The following LSM3 variants were observed in gnomAD, a reference collection of about 807,000 sequenced individuals.
The protein encoded by LSM3 is U6 snRNA-associated Sm-like protein LSm3.
A neutral mutation model predicts 15.4 loss-of-function variants in LSM3; 14 were observed. That is an observed-to-expected ratio of 0.91 (90% confidence interval 0.60 to 1.42). The LOEUF (loss-of-function observed/expected upper bound fraction) is 1.42, where lower values mean the gene tolerates loss of function less well. Ranked by LOEUF, LSM3 falls within the 40% of genes most tolerant of loss-of-function variation. The pLI is 0.00. For synonymous variants in LSM3, 46 were observed against 45.1 expected, an observed-to-expected ratio of 1.02 and a Z score of -0.08; for missense variants, 88 against 127.9, an observed-to-expected ratio of 0.69 and a Z score of 1.50.
intron 3 of LSM3, among the ~76,000 whole-genome samples, chr3:14,197,227 T>C (rs895443776): frequency 4.6e-5 from 7 of 152,254 alleles, no homozygotes; most frequent in Non-Finnish European, 1.0e-4. Context: ...AGTTCTTGCC[T>C]GAGCTTTTCT....
rs199989958 is a variant in LSM3, at chr3:14,187,745, GT to G, written c.228+3720del. 6.7e-3 allele frequency among the ~76,000 whole-genome samples: 1,018 copies of G among 152,246 alleles called. 6 individuals carry two copies. The highest frequency in any genetic ancestry group is 0.022 in the African/African-American group (931 of 41,550). ...GACCCATAAACCATCAGGTTGTTGGGTTTTTTTCCCCCTATAACTTACATAA... is the reference window on the plus strand; with the variant it reads ...GACCCATAAACCATCAGGTTGTTGGGTTTTTTCCCCCTATAACTTACATAA... On this transcript the variant is annotated intron_variant, in intron 3 of 3. Coordinates refer to ENST00000306024, the MANE Select transcript of LSM3 (RefSeq NM_014463.3).
chr3:14,189,033 AT>A (rs1295990419), intron 3 of LSM3, among the ~76,000 whole-genome samples: 2 of 152,032 alleles, frequency 1.3e-5, no homozygotes, highest in Non-Finnish European at 2.9e-5. Context: ...ACTCTCACTT[AT>A]GAGTGAGAAC....
Position 14,200,022 on chromosome 3 carries a change from ACTTT to A in LSM3, c.*1910_*1913del, listed in dbSNP as rs1368129044. 1 of 152,158 alleles carries A rather than the reference ACTTT, an allele frequency of 6.6e-6. No individual in the cohort carries two copies. The highest frequency in any genetic ancestry group is 1.5e-5 in the Non-Finnish European group (1 of 68,046). The allele number at this position is 152,158 out of a possible 1,614,324, so 9.4% of individuals were successfully genotyped here. On this transcript the variant is annotated 3_prime_UTR_variant, in exon 4 of 4. Coordinates refer to ENST00000306024, the MANE Select transcript of LSM3 (RefSeq NM_014463.3). Reference sequence around the variant, plus strand: ...TGATAGTCACACTGAATTCCTGGACACTTTCTTCTCTTCATTCTTAGTTATCTTT... The same window carrying A: ...TGATAGTCACACTGAATTCCTGGACACTTCTCTTCATTCTTAGTTATCTTT...
At chr3:14,180,859 A>T (rs867688630) in intron 1 of LSM3, among the ~76,000 whole-genome samples, 27 of 82,046 alleles carry the variant, frequency 3.3e-4, no homozygotes, top group African/African-American at 8.5e-4. Flanking sequence ...TTTTTTTTTA[A>T]AAAAAAAAAA....
chr3:14,183,779 T>C lies in LSM3; in HGVS notation c.133-158T>C, dbSNP rs1257144826. Among the ~76,000 whole-genome samples the C allele has an allele frequency of 3.9e-5, 6 of 152,262 alleles. No individual in the cohort carries two copies. In the East Asian group the frequency reaches 1.2e-3, roughly 29 times the overall value. On this transcript the variant is annotated intron_variant, in intron 2 of 3. Transcript: ENST00000306024. ...GGAAGTGACTTGTGAAGAAACAGTA[T>C]ATTAGTACTGTAGGATTACTTTTTA...
intron 1 of LSM3, among the ~76,000 whole-genome samples, chr3:14,180,872 CAA>C (rs1336719502): frequency 2.4e-5 from 2 of 81,856 alleles, no homozygotes; most frequent in Admixed American, 1.7e-4. Context: ...AAAAAAAAGA[CAA>C]GAGTCTCACT....
chr3:14,183,891 G>A (rs1390349651), intron 2 of LSM3, 46 bp from the exon 3 acceptor site: 1 of 1,419,626 alleles, frequency 7.0e-7, no homozygotes, highest in Non-Finnish European at 9.6e-7. Flanking sequence ...TATCATTTTT[G>A]TAATTTGATT....
intron 2 of LSM3, among the ~76,000 whole-genome samples, chr3:14,182,090 C>T (rs964712706): frequency 3.9e-5 from 6 of 152,164 alleles, no homozygotes; most frequent in African/African-American, 1.4e-4. Context: ...TGCAGTGGCT[C>T]ATTCCTGTAA....
chr3:14,180,838 TTTTTTTTTTTTTTTTTTTTAAA>T (rs1697029493), intron 1 of LSM3, among the ~76,000 whole-genome samples: 1 of 124,558 alleles, frequency 8.0e-6, no homozygotes, highest in African/African-American at 3.4e-5. Context: ...TTTTTTTTTT[TTTTTTTTTTTTTTTTTTTTAAA>T]AAAAAAAAAG....
chr3:14,192,637 T>C (rs139727359), intron 3 of LSM3, among the ~76,000 whole-genome samples: 10,035 of 152,330 alleles, frequency 0.066, 493 homozygotes, highest in Non-Finnish European at 0.099. Flanking sequence ...TTGGTAAATA[T>C]TCCTCCATCC....
chr3:14,190,558 T>A (rs1258715679), intron 3 of LSM3, among the ~76,000 whole-genome samples: 1 of 152,232 alleles, frequency 6.6e-6, no homozygotes, highest in African/African-American at 2.4e-5. Flanking sequence ...TAGTAGCAAT[T>A]GTGAATGGGA....
intron 3 of LSM3, among the ~76,000 whole-genome samples, chr3:14,188,240 T>A (rs1697108278): frequency 6.6e-6 from 1 of 152,176 alleles, no homozygotes; most frequent in African/African-American, 2.4e-5. Context: ...TTTATTTAAT[T>A]TTAATTTAAT....
At chr3:14,187,448 C>A (rs1192942242) in intron 3 of LSM3, among the ~76,000 whole-genome samples, 2 of 152,162 alleles carry the variant, frequency 1.3e-5, no homozygotes, top group Non-Finnish European at 2.9e-5. Context: ...AAAATTGAAT[C>A]TTTGGATGAC....
intron 3 of LSM3, among the ~76,000 whole-genome samples, chr3:14,196,591 T>G (rs1467195005): frequency 6.6e-6 from 1 of 152,188 alleles, no homozygotes. Flanking sequence ...CAGTGGTGAA[T>G]CCCACTGGGA....
chr3:14,179,284 A>G (rs1247090415), intron 1 of LSM3, among the ~76,000 whole-genome samples: 1 of 152,260 alleles, frequency 6.6e-6, no homozygotes, highest in African/African-American at 2.4e-5. Context: ...GGCCAGGGAC[A>G]CTGACATCGA....
At chr3:14,196,133 A>G (rs963391281) in intron 3 of LSM3, among the ~76,000 whole-genome samples, 8 of 150,614 alleles carry the variant, frequency 5.3e-5, no homozygotes, top group Non-Finnish European at 1.0e-4. Context: ...TTTTTTTTAT[A>G]TTTTTAGTAG....
Position 14,197,214 on chromosome 3 carries a change from A to G in LSM3, c.229-822A>G, listed in dbSNP as rs528430829. ...TCTTTTCATCTCTGCTTGAAAACCA[A>G]CTAGTTCTTGCCTGAGCTTTTCTGT... On this transcript the variant is annotated intron_variant, in intron 3 of 3. Coordinates refer to ENST00000306024, the MANE Select transcript of LSM3 (RefSeq NM_014463.3). 1.2e-4 allele frequency among the ~76,000 whole-genome samples: 18 copies of G among 152,306 alleles called. No homozygotes were observed. In the South Asian group the frequency reaches 2.3e-3, roughly 19 times the overall value.
rs1487954587 is a variant in LSM3, at chr3:14,201,087, T to G, written c.*2971T>G. 1 of 152,260 alleles carries G rather than the reference T, an allele frequency of 6.6e-6. No homozygotes were observed. Among genetic ancestry groups the G allele is most frequent in the Admixed American group, 6.5e-5 (1 of 15,290 alleles). 9.4% of individuals were successfully genotyped at this position (152,260 alleles called of 1,614,324 possible). A position where few individuals can be genotyped will look rare whatever the true frequency, so the allele number is the denominator to read the frequency against. On this transcript the variant is annotated 3_prime_UTR_variant, in exon 4 of 4. Transcript: ENST00000306024. ...AGCTGTGTTCAATGTAGAAAATTAA[T>G]AAAAGTTCCAGGAGTCATCCTGGCT...
intron 3 of LSM3, among the ~76,000 whole-genome samples, chr3:14,184,525 C>T (rs939792842): frequency 2.0e-4 from 30 of 151,810 alleles, no homozygotes; most frequent in African/African-American, 4.8e-4. Flanking sequence ...GAGGCCGAGG[C>T]GGGCGGATCA....
Sources: gnomAD v4.1 joint callset for allele counts (sites outside exome capture counted in the v4.1 genomes callset) on GRCh38, gnomAD v4.1.1 for gene constraint, MANE v1.5 for transcripts, NCBI Gene and HGNC (gene_info 2026-07-23, HGNC 2026-07-21) for gene names.